The following RTN2 variants were observed in gnomAD, a reference collection of about 807,000 sequenced individuals.
The protein encoded by RTN2 is reticulon 2.
In RTN2, 36 loss-of-function variants were observed where a neutral mutation model predicts 63.7. That is an observed-to-expected ratio of 0.56 (90% confidence interval 0.43 to 0.75). The LOEUF is 0.75. RTN2 is among the 30% of genes least tolerant of loss of function. The pLI is 0.00. For synonymous variants in RTN2, 312 were observed against 313.0 expected (o/e 1.00, Z 0.03); for missense variants, 673 against 705.1 (o/e 0.95, Z 0.52).
chr19:45,491,181 C>T (rs1456050598), intron 5 of RTN2, among the ~76,000 whole-genome samples: 28 of 151,154 alleles, frequency 1.9e-4, no homozygotes, highest in Non-Finnish European at 3.0e-5. Flanking sequence ...TGAGCCACCA[C>T]GCCCGGCCAC....
chr19:45,493,260 G>C lies in RTN2; in HGVS notation c.933C>G (p.Thr311=), dbSNP rs539287856. The change falls in exon 5 of 11, where the codon ACC becomes ACG. Residue 311 remains threonine, a synonymous_variant. Coordinates refer to ENST00000245923, the MANE Select transcript of RTN2 (RefSeq NM_005619.5). ...GAACCCGGAGGACAGGAGTAGGGGGGGTGGGGCCCCTTTGGACCCAGCCAA... is the reference window on the plus strand; with the variant it reads ...GAACCCGGAGGACAGGAGTAGGGGGCGTGGGGCCCCTTTGGACCCAGCCAA... ...TAIGWVQRGP[T]PPTPVLRVLL... The C allele has an allele frequency of 1.9e-6, 3 of 1,613,454 alleles. No individual in the cohort carries two copies. Among genetic ancestry groups the C allele is most frequent in the Non-Finnish European group, 2.5e-6 (3 of 1,179,890 alleles).
At position 45,485,721 on chromosome 19, in the gene RTN2, G is replaced by A; in HGVS notation, c.1625C>T (p.Ala542Val). The change falls in exon 11 of 11, where the codon GCC becomes GTC. Residue 542 changes from alanine (A) to valine (V), a missense_variant. Transcript: ENST00000245923. ...SAAAAVSGSKAKAE is the reference protein window; with the variant it reads ...SAAAAVSGSKVKAE ...GAGACACCGTTCTCATTCGGCTTTG[G>A]CTTTGGATCCGGAGACTGCGGCTGC... The A allele has an allele frequency of 6.2e-7, 1 of 1,613,936 alleles. No individual in the cohort carries two copies.
intron 5 of RTN2, among the ~76,000 whole-genome samples, chr19:45,491,074 G>C (rs567592997): frequency 9.2e-5 from 14 of 151,570 alleles, no homozygotes; most frequent in African/African-American, 3.4e-4. Flanking sequence ...TTTTTAGTTA[G>C]AGATGGGGTT....
At position 45,493,170 on chromosome 19, in the gene RTN2, C is replaced by G. The variant is rs1380961948; in HGVS notation, c.1023G>C (p.Met341Ile). The change falls in exon 5 of 11, where the codon ATG becomes ATC. Residue 341 changes from methionine (M) to isoleucine (I), a missense_variant. By Grantham distance (10) the Met-to-Ile change is conservative. Coordinates refer to ENST00000245923, the MANE Select transcript of RTN2 (RefSeq NM_005619.5). ...GTTCCGCAAGCCCACCTTTACTCCC[C>G]ATATCGGCTCCGAGTGAGAGGCTGG... ...GVPSLSLGAD[M>I]GSKVADLLYW... is the part of the protein sequence containing the mutation. The G allele has an allele frequency of 6.2e-7, 1 of 1,612,088 alleles. No homozygotes were observed. The highest frequency in any genetic ancestry group is 1.7e-5 in the Admixed American group (1 of 59,900).
At chr19:45,487,370 G>C (rs750673533) in intron 9 of RTN2, among the ~76,000 whole-genome samples, 3 of 151,846 alleles carry the variant, frequency 2.0e-5, no homozygotes, top group South Asian at 2.1e-4. Context: ...TTAATTGTGA[G>C]TCTTGGTGAT....
intron 5 of RTN2, 126 bp downstream of exon 5, chr19:45,493,034 C>T: frequency 9.9e-7 from 1 of 1,007,162 alleles, no homozygotes; most frequent in Non-Finnish European, 1.6e-6. Context: ...GGCCCCCTAG[C>T]CCCAGCCTGC....
intron 9 of RTN2, among the ~76,000 whole-genome samples, chr19:45,487,583 G>GTTTTTTT (rs4031036): frequency 1.9e-4 from 20 of 105,772 alleles, no homozygotes; most frequent in East Asian, 5.4e-4. Flanking sequence ...TTATTTTTTG[G>GTTTTTTT]TTTTTTTTTT....
Position 45,494,758 on chromosome 19 carries a change from C to T in RTN2, c.327G>A (p.Leu109=), listed in dbSNP as rs144198343. 200 of 1,608,906 alleles carry T rather than the reference C, an allele frequency of 1.2e-4. No homozygotes were observed. The highest frequency in any genetic ancestry group is 1.7e-4 in the Non-Finnish European group (198 of 1,179,954). ...QHPQPSLGDS[L]ESIPSLSQSP... is the part of the protein sequence containing the mutation. The stretch of plus-strand genomic sequence containing the variant: ...ATTGGCTCAGGCTGGGGATGCTCTC[C>T]AAGCTGTCGCCCAGGCTGGGCTGAG... The change falls in exon 3 of 11, where the codon TTG becomes TTA. Residue 109 remains leucine, a synonymous_variant. Transcript: ENST00000245923. The surrounding 1 kb of genome is among the most constrained non-coding windows in gnomAD (Gnocchi z 5.3).
At chr19:45,488,247 T>C (rs1335269266) in intron 9 of RTN2, among the ~76,000 whole-genome samples, 1 of 152,206 alleles carries the variant, frequency 6.6e-6, no homozygotes, top group East Asian at 1.9e-4. Context: ...AGCAAGACTC[T>C]GTCTCAAAGA....
chr19:45,489,992 T>C (rs1968119435), intron 5 of RTN2, among the ~76,000 whole-genome samples: 1 of 152,080 alleles, frequency 6.6e-6, no homozygotes, highest in African/African-American at 2.4e-5. Flanking sequence ...CAGCCCGATT[T>C]GCAATTTTTT....
In RTN2 at chr19:45,485,488, G is replaced by A. The variant is rs1478768054; in HGVS notation, c.*220C>T. ...AGTCCCAGCAGGCCCCGCGGCCAAGGTGCCTCGTCTTTCCTGGACTCCTGG... is the reference window on the plus strand; with the variant it reads ...AGTCCCAGCAGGCCCCGCGGCCAAGATGCCTCGTCTTTCCTGGACTCCTGG... On this transcript the variant is annotated 3_prime_UTR_variant, in exon 11 of 11. Transcript: ENST00000245923. 7.0e-6 allele frequency: 4 copies of A among 568,722 alleles called. No homozygotes were observed. In the African/African-American group the frequency reaches 7.5e-5, roughly 11 times the overall value. The allele number at this position is 568,722 out of a possible 1,614,324, so 35.2% of individuals were successfully genotyped here. A position where few individuals can be genotyped will look rare whatever the true frequency, so the allele number is the denominator to read the frequency against.
In RTN2 at chr19:45,485,635, C is replaced by T. The variant is rs906459972; in HGVS notation, c.*73G>A. 4 of 1,255,292 alleles carry T rather than the reference C, an allele frequency of 3.2e-6. No individual in the cohort carries two copies. The African/African-American group carries it at 4.4e-5, about 14-fold the overall frequency. The allele number at this position is 1,255,292 out of a possible 1,614,324, so 77.8% of individuals were successfully genotyped here. ...GGCCGAGGAGGGGGGTGGGTGGGAA[C>T]GGACAAGAGATGGAGGGGGCCAGAG... On this transcript the variant is annotated 3_prime_UTR_variant, in exon 11 of 11. Transcript: ENST00000245923.
At position 45,494,430 on chromosome 19, in the gene RTN2, T is replaced by C. The variant is rs746800975; in HGVS notation, c.560-10A>G. ...AGTCGTAGGTCCAGTTCTGATACGG[T>C]AGAGAGAGGAGGCCGTGAGCTTTCT... On this transcript the variant is annotated splice_polypyrimidine_tract_variant and intron_variant, in intron 3 of 10. Coordinates refer to ENST00000245923, the MANE Select transcript of RTN2 (RefSeq NM_005619.5). This position sits in a 1 kb window ranked among gnomAD's most constrained non-coding sequence, Gnocchi z 5.3. 2 of 1,607,594 alleles carry C rather than the reference T, an allele frequency of 1.2e-6. No individual in the cohort carries two copies. Among genetic ancestry groups the C allele is most frequent in the South Asian group, 1.1e-5 (1 of 90,872 alleles).
chr19:45,485,943 C>A, intron 10 of RTN2, 112 bp downstream of exon 10: 2 of 1,262,552 alleles, frequency 1.6e-6, no homozygotes, highest in Non-Finnish European at 2.3e-6. Context: ...GCCTCCTCAG[C>A]CTTTTCAAGG....
chr19:45,485,739 G>C lies in RTN2; in HGVS notation c.1607C>G (p.Ala536Gly), dbSNP rs140567426. 1 of 1,614,116 alleles carries C rather than the reference G, an allele frequency of 6.2e-7. No individual in the cohort carries two copies. Residue 536 changes from alanine to glycine, a missense_variant, in exon 11 of 11, where the codon GCA becomes GGA. Transcript: ENST00000245923. ...GGCTTTGGCTTTGGATCCGGAGACTGCGGCTGCTGCAGAGGCCAGGGCTCC... is the reference window on the plus strand; with the variant it reads ...GGCTTTGGCTTTGGATCCGGAGACTCCGGCTGCTGCAGAGGCCAGGGCTCC... The part of the protein sequence containing the change: ...GTGALASAAA[A>G]VSGSKAKAE
Position 45,494,767 on chromosome 19 carries a change from G to A in RTN2, c.318C>T (p.Gly106=), listed in dbSNP as rs776941256. ...PRDQHPQPSL[G]DSLESIPSLS... is the part of the protein sequence containing the mutation. ...GGCTGGGGATGCTCTCCAAGCTGTC[G>A]CCCAGGCTGGGCTGAGGGTGCTGGT... The change falls in exon 3 of 11, where the codon GGC becomes GGT. Residue 106 remains glycine, a synonymous_variant. Transcript: ENST00000245923. The surrounding 1 kb of genome is among the most constrained non-coding windows in gnomAD (Gnocchi z 5.3). The A allele has an allele frequency of 6.2e-7, 1 of 1,607,722 alleles. No individual in the cohort carries two copies. The highest frequency in any genetic ancestry group is 1.1e-5 in the South Asian group (1 of 91,074).
intron 5 of RTN2, among the ~76,000 whole-genome samples, chr19:45,491,274 C>T (rs1424776270): frequency 6.6e-6 from 1 of 151,528 alleles, no homozygotes; most frequent in Non-Finnish European, 1.5e-5. Flanking sequence ...TGGCTCACTA[C>T]AGCCTCTACC....
Position 45,494,811 on chromosome 19 carries a change from A to AGCG in RTN2, c.271_273dup (p.Arg91dup). 1 of 1,603,802 alleles carries AGCG rather than the reference A, an allele frequency of 6.2e-7. No homozygotes were observed. The highest frequency in any genetic ancestry group is 8.5e-7 in the Non-Finnish European group (1 of 1,179,794). ...TGCTGGTCTCGTGGTTCCGAGACTG[A>AGCG]GCGGCCCTGGGGGCGGGGGCGGCGG... On this transcript the variant is annotated inframe_insertion, in exon 3 of 11. Coordinates refer to ENST00000245923, the MANE Select transcript of RTN2 (RefSeq NM_005619.5). The surrounding 1 kb of genome is among the most constrained non-coding windows in gnomAD (Gnocchi z 5.3).
At position 45,485,598 on chromosome 19, in the gene RTN2, G is replaced by T; in HGVS notation, c.*110C>A. ...GTGGGAGTGATCCTGACACCCACCG[G>T]GAAAAGGCTCGGGCCGAGGAGGGGG... On this transcript the variant is annotated 3_prime_UTR_variant, in exon 11 of 11. Coordinates refer to ENST00000245923, the MANE Select transcript of RTN2 (RefSeq NM_005619.5). 1 of 871,816 alleles carries T rather than the reference G, an allele frequency of 1.1e-6. No individual in the cohort carries two copies. Among genetic ancestry groups the T allele is most frequent in the South Asian group, 1.4e-5 (1 of 71,594 alleles). The allele number at this position is 871,816 out of a possible 1,614,324, so 54.0% of individuals were successfully genotyped here.
Sources: gnomAD v4.1 joint callset for allele counts (sites outside exome capture counted in the v4.1 genomes callset) on GRCh38, gnomAD v4.1.1 for gene constraint, Gnocchi (gnomAD v3.1) non-coding constraint, MANE v1.5 for transcripts, NCBI Gene and HGNC (gene_info 2026-07-23, HGNC 2026-07-21) for gene names.